The following DOCK1 variants were observed in gnomAD, a reference collection of about 807,000 sequenced individuals.
DOCK1 encodes the protein dedicator of cytokinesis protein 1.
Under a neutral mutation model 262.7 loss-of-function variants are expected in DOCK1, and 138 were observed. That is an observed-to-expected ratio of 0.53 (90% CI 0.46 to 0.61). The LOEUF (loss-of-function observed/expected upper bound fraction) is 0.61. DOCK1 is among the 20% of genes least tolerant of loss of function. DOCK1 has a pLI of 0.00. For missense variants in DOCK1, 1,908 were observed against 2,370.7 expected, an observed-to-expected ratio of 0.80 and a Z score of 4.05; for synonymous variants, 866 against 867.4, an observed-to-expected ratio of 1.00 and a Z score of 0.03.
At chr10:127,087,393 C>A (rs960485241) in intron 23 of DOCK1, among the ~76,000 whole-genome samples, 5 of 152,114 alleles carry the variant, frequency 3.3e-5, no homozygotes. Context: ...CACAGAAATT[C>A]ATGCCGGGCT....
At chr10:126,982,111 G>C in intron 4 of DOCK1, 138 bp downstream of exon 4, 2 of 864,864 alleles carry the variant, frequency 2.3e-6, no homozygotes, top group South Asian at 3.1e-5. Flanking sequence ...GTTTTGGGGA[G>C]AGAAAGGGGA....
At chr10:127,219,318 T>C (rs1021685378) in intron 27 of DOCK1, among the ~76,000 whole-genome samples, 1 of 152,166 alleles carries the variant, frequency 6.6e-6, no homozygotes, top group Non-Finnish European at 1.5e-5. Flanking sequence ...GGAAAGGCTT[T>C]GGTTGAGCAT....
intron 27 of DOCK1, among the ~76,000 whole-genome samples, chr10:127,216,121 G>A (rs1825792369): frequency 6.6e-6 from 1 of 152,020 alleles, no homozygotes; most frequent in Non-Finnish European, 1.5e-5. Context: ...GTAGGGAAGG[G>A]GCTGACAATG....
chr10:127,132,226 C>T (rs2050367416), intron 27 of DOCK1, among the ~76,000 whole-genome samples: 1 of 152,046 alleles, frequency 6.6e-6, no homozygotes. Context: ...ATATTGTTTG[C>T]TTTAGTTGAT....
chr10:127,057,603 C>T (rs1296989892), intron 22 of DOCK1, among the ~76,000 whole-genome samples: 1 of 152,228 alleles, frequency 6.6e-6, no homozygotes, highest in Non-Finnish European at 1.5e-5. Context: ...AGATTCCTGA[C>T]AGCCGGGGGC....
intron 27 of DOCK1, among the ~76,000 whole-genome samples, chr10:127,193,631 CGTT>C (rs1351289063): frequency 3.9e-5 from 6 of 152,294 alleles, no homozygotes; most frequent in African/African-American, 1.2e-4. Flanking sequence ...CACTGCGATC[CGTT>C]GTTATTTCTG....
intron 27 of DOCK1, among the ~76,000 whole-genome samples, chr10:127,130,227 G>T (rs1280205346): frequency 6.6e-6 from 1 of 151,872 alleles, no homozygotes; most frequent in Non-Finnish European, 1.5e-5. Flanking sequence ...GGGATTACAG[G>T]TGCACATCAC....
intron 27 of DOCK1, among the ~76,000 whole-genome samples, chr10:127,150,208 AG>A (rs1196363855): frequency 6.6e-6 from 1 of 152,178 alleles, no homozygotes; most frequent in African/African-American, 2.4e-5. Flanking sequence ...CTCCTGCCCA[AG>A]GAACTCACTG....
Position 126,920,629 on chromosome 10 carries a change from C to G in DOCK1, c.46+15066C>G, listed in dbSNP as rs963700825. 2.6e-5 allele frequency among the ~76,000 whole-genome samples: 4 copies of G among 152,328 alleles called. No individual in the cohort carries two copies. The East Asian group carries it at 7.7e-4, about 29-fold the overall frequency. Reference sequence around the variant, plus strand: ...GCTAAAAGGAATAATAAATTCTGTTCAGAGCACAGATTGGCAAGCTTTTTC... The same window carrying G: ...GCTAAAAGGAATAATAAATTCTGTTGAGAGCACAGATTGGCAAGCTTTTTC... On this transcript the variant is annotated intron_variant, in intron 1 of 51. Transcript: ENST00000623213.
At position 126,950,889 on chromosome 10, in the gene DOCK1, G is replaced by C. The variant is rs2036156701; in HGVS notation, c.47-19813G>C. On this transcript the variant is annotated intron_variant, in intron 1 of 51. Transcript: ENST00000623213. The stretch of plus-strand genomic sequence containing the variant: ...TGGTACTGGTGATAGCGGTGGTGCT[G>C]GTGATGTTGGTGATGTTATTGTTGA... Among the ~76,000 whole-genome samples, 3 of 152,206 alleles carry C rather than the reference G, an allele frequency of 2.0e-5. No homozygotes were observed. The South Asian group carries it at 6.2e-4, about 32-fold the overall frequency.
chr10:127,037,324 G>A (rs78638650), intron 18 of DOCK1, among the ~76,000 whole-genome samples: 58 of 152,328 alleles, frequency 3.8e-4, no homozygotes, highest in African/African-American at 1.2e-3. Flanking sequence ...AAAAATAGCA[G>A]CTTGTTCTTG....
chr10:127,364,567 C>T (rs1236535176), intron 33 of DOCK1, among the ~76,000 whole-genome samples: 7 of 152,156 alleles, frequency 4.6e-5, no homozygotes, highest in African/African-American at 9.6e-5. Flanking sequence ...TGTTTCACCA[C>T]GTTGGCCAGG....
chr10:127,028,421 C>T (rs1044009507), intron 16 of DOCK1, among the ~76,000 whole-genome samples: 4 of 152,206 alleles, frequency 2.6e-5, no homozygotes, highest in Admixed American at 1.3e-4. Flanking sequence ...TATTTGGATT[C>T]GTCCTCGCAA....
chr10:127,232,102 C>T (rs2058864277), intron 27 of DOCK1, among the ~76,000 whole-genome samples: 1 of 151,284 alleles, frequency 6.6e-6, no homozygotes. Context: ...GAGAAGCGTT[C>T]CGTAGAGGGT....
intron 23 of DOCK1, among the ~76,000 whole-genome samples, chr10:127,066,114 C>T (rs577226456): frequency 7.2e-5 from 11 of 152,262 alleles, no homozygotes; most frequent in African/African-American, 2.2e-4. Context: ...TTTCTCTCTC[C>T]TACCTGACAA....
At chr10:127,219,236 AATAT>A (rs1280911851) in intron 27 of DOCK1, among the ~76,000 whole-genome samples, 1 of 152,208 alleles carries the variant, frequency 6.6e-6, no homozygotes, top group African/African-American at 2.4e-5. Flanking sequence ...GCAGTTTCTG[AATAT>A]ATTCTACACA....
At chr10:127,026,059 CA>C (rs71490104) in intron 15 of DOCK1, 965 of 231,090 alleles carry the variant, frequency 4.2e-3, no homozygotes, top group Middle Eastern at 7.4e-3. Flanking sequence ...AACTCTGTAT[CA>C]AAAAAAAAAA....
At chr10:126,988,953 G>A (rs542763879) in intron 5 of DOCK1, among the ~76,000 whole-genome samples, 6 of 151,964 alleles carry the variant, frequency 3.9e-5, no homozygotes, top group East Asian at 1.9e-4. Context: ...CATGCCTGTA[G>A]TCCCAGCTAC....
At chr10:127,178,066 G>C (rs2055348699) in intron 27 of DOCK1, among the ~76,000 whole-genome samples, 1 of 152,102 alleles carries the variant, frequency 6.6e-6, no homozygotes, top group Non-Finnish European at 1.5e-5. Context: ...ATGACAGGCC[G>C]AGGTGCACGG....
Sources: gnomAD v4.1 joint callset for allele counts (sites outside exome capture counted in the v4.1 genomes callset) on GRCh38, gnomAD v4.1.1 for gene constraint, MANE v1.5 for transcripts, NCBI Gene and HGNC (gene_info 2026-07-23, HGNC 2026-07-21) for gene names.